FGF14: variants seen among roughly 807,000 people sequenced by gnomAD.
FGF14 encodes fibroblast growth factor 14, also known as fibroblast growth factor homologous factor 4.
A neutral mutation model predicts 25.5 loss-of-function variants in FGF14; 5 were observed. The ratio of observed to expected loss-of-function variants is 0.20; its 90% confidence interval spans 0.10 to 0.41. FGF14 has a LOEUF of 0.41. Among genes scored for constraint, FGF14 ranks in the 10% least tolerant of loss-of-function variants. The pLI, the probability that FGF14 is intolerant of heterozygous loss-of-function variation, is 1.00. For synonymous variants in FGF14, 138 were observed against 118.3 expected (o/e 1.17, Z -1.08); for missense variants, 222 against 320.1 (o/e 0.69, Z 2.34).
At chr13:101,858,459 C>T (rs1458348310) in intron 3 of FGF14, among the ~76,000 whole-genome samples, 1 of 151,946 alleles carries the variant, frequency 6.6e-6, no homozygotes, top group East Asian at 1.9e-4. Context: ...ATTTTTGTAA[C>T]ATGGAGAGTG....
chr13:101,795,687 G>C (rs2040480514), intron 3 of FGF14, among the ~76,000 whole-genome samples: 1 of 152,014 alleles, frequency 6.6e-6, no homozygotes, highest in African/African-American at 2.4e-5. Context: ...ACACTAGAGG[G>C]GCAAACCTGC....
intron 1 of FGF14, among the ~76,000 whole-genome samples, chr13:101,877,726 G>A (rs2045477500): frequency 6.6e-6 from 1 of 152,150 alleles, no homozygotes; most frequent in South Asian, 2.1e-4. Context: ...CTGAATTTGT[G>A]ATTACAAAGC....
chr13:102,039,735 G>A (rs1158653398), intron 1 of FGF14, among the ~76,000 whole-genome samples: 1 of 152,104 alleles, frequency 6.6e-6, no homozygotes, highest in Non-Finnish European at 1.5e-5. Flanking sequence ...GGCACCAGAG[G>A]TAGGGACTTC....
chr13:101,991,390 G>A (rs980554143), intron 1 of FGF14, among the ~76,000 whole-genome samples: 8 of 152,088 alleles, frequency 5.3e-5, no homozygotes, highest in Non-Finnish European at 1.2e-4. Context: ...AATTCAGTTG[G>A]ATTGTTGCTA....
chr13:101,784,601 G>A (rs1026114644), intron 3 of FGF14, among the ~76,000 whole-genome samples: 1 of 152,036 alleles, frequency 6.6e-6, no homozygotes, highest in Admixed American at 6.6e-5. Context: ...ATGTCATTCT[G>A]AAGATTATTT....
intron 1 of FGF14, among the ~76,000 whole-genome samples, chr13:102,317,081 C>T (rs989232336): frequency 4.6e-5 from 7 of 152,050 alleles, no homozygotes; most frequent in African/African-American, 1.7e-4. Flanking sequence ...GTGATATAGA[C>T]AGGCACCGAT....
intron 1 of FGF14, among the ~76,000 whole-genome samples, chr13:102,176,099 C>A (rs2048438745): frequency 6.6e-6 from 1 of 152,040 alleles, no homozygotes; most frequent in African/African-American, 2.4e-5. Flanking sequence ...ATTGTTATAT[C>A]AAAAAGACAT....
chr13:102,181,957 T>C (rs2048692699), intron 1 of FGF14, among the ~76,000 whole-genome samples: 1 of 152,160 alleles, frequency 6.6e-6, no homozygotes, highest in Non-Finnish European at 1.5e-5. Flanking sequence ...GCTGAAACCT[T>C]GATTTCTGAT....
In FGF14 at chr13:101,916,579, G is replaced by C; in HGVS notation, c.67C>G (p.Arg23Gly). The change falls in exon 1 of 5, where the codon CGG (arginine) becomes GGG (glycine). Residue 23 changes from arginine (R) to glycine (G), a missense_variant. Around this residue, in one of 5 missense-constraint regions of FGF14, gnomAD observed 80 missense variants for 72.2 expected, o/e 1.11. Coordinates refer to ENST00000376143, the MANE Select transcript of FGF14 (RefSeq NM_004115.4). ...KRQAREQHWD[R>G]PSASRRRSSP... The stretch of plus-strand genomic sequence containing the variant: ...CTCCGCCTCCTGCTGGCAGACGGCC[G>C]GTCCCAGTGCTGCTCCCGCGCCTGC... 1 of 1,607,818 alleles carries C rather than the reference G, an allele frequency of 6.2e-7. No individual in the cohort carries two copies. The highest frequency in any genetic ancestry group is 8.5e-7 in the Non-Finnish European group (1 of 1,177,738).
chr13:102,139,160 C>G (rs1278170348), intron 1 of FGF14, among the ~76,000 whole-genome samples: 1 of 152,106 alleles, frequency 6.6e-6, no homozygotes, highest in African/African-American at 2.4e-5. Context: ...GAGTGTGAAT[C>G]TTGGGTCTTC....
chr13:101,996,113 C>A (rs1408668121), intron 1 of FGF14, among the ~76,000 whole-genome samples: 1 of 151,824 alleles, frequency 6.6e-6, no homozygotes, highest in Non-Finnish European at 1.5e-5. Context: ...ATCTCATATA[C>A]CCCATAAATA....
intron 1 of FGF14, among the ~76,000 whole-genome samples, chr13:102,397,546 T>C (rs1211671241): frequency 6.6e-6 from 1 of 152,228 alleles, no homozygotes; most frequent in East Asian, 1.9e-4. Flanking sequence ...TGATTTATCT[T>C]AAAATCTGTG....
intron 1 of FGF14, among the ~76,000 whole-genome samples, chr13:102,300,920 GACACACACACACACACATAC>G (rs879473760): frequency 5.3e-3 from 452 of 85,964 alleles, no homozygotes; most frequent in African/African-American, 0.018. Flanking sequence ...TATGCACACA[GACACACACACACACACATAC>G]ACACACACAC....
chr13:102,361,488 G>C (rs756593759), intron 1 of FGF14, among the ~76,000 whole-genome samples: 1 of 152,140 alleles, frequency 6.6e-6, no homozygotes, highest in Non-Finnish European at 1.5e-5. Context: ...AAGCTGTGTT[G>C]GTTGTGAATT....
chr13:102,021,419 A>G (rs1304380924), intron 1 of FGF14, among the ~76,000 whole-genome samples: 1 of 151,818 alleles, frequency 6.6e-6, no homozygotes, highest in Non-Finnish European at 1.5e-5. Context: ...TCCTGGGGAA[A>G]TGTGATAAGA....
At chr13:102,088,759 G>A (rs2044038497) in intron 1 of FGF14, among the ~76,000 whole-genome samples, 1 of 151,920 alleles carries the variant, frequency 6.6e-6, no homozygotes, top group Non-Finnish European at 1.5e-5. Context: ...TAAATTAAAA[G>A]AGACACATGT....
chr13:102,130,390 C>T (rs188814666), intron 1 of FGF14, among the ~76,000 whole-genome samples: 1 of 152,072 alleles, frequency 6.6e-6, no homozygotes, highest in African/African-American at 2.4e-5. Context: ...CATCTTTGCC[C>T]GAAATGATGG....
chr13:102,342,430 CT>C (rs1188304471), intron 1 of FGF14, among the ~76,000 whole-genome samples: 2 of 151,888 alleles, frequency 1.3e-5, no homozygotes, highest in Non-Finnish European at 2.9e-5. Context: ...GCTTTCTAAA[CT>C]TTAAAAAAAA....
intron 1 of FGF14, among the ~76,000 whole-genome samples, chr13:102,376,676 T>C (rs1301895328): frequency 1.3e-5 from 2 of 152,218 alleles, no homozygotes; most frequent in Non-Finnish European, 2.9e-5. Flanking sequence ...TTCTAAATAA[T>C]AAAATATCCA....
Sources: gnomAD v4.1 joint callset for allele counts (sites outside exome capture counted in the v4.1 genomes callset) on GRCh38, gnomAD v4.1.1 for gene constraint, gnomAD v4.1.1 regional missense constraint, MANE v1.5 for transcripts, NCBI Gene and HGNC (gene_info 2026-07-23, HGNC 2026-07-21) for gene names.